MRTFB: variants seen among roughly 807,000 people sequenced by gnomAD.
The protein encoded by MRTFB is myocardin-related transcription factor B.
A neutral mutation model predicts 104.2 loss-of-function variants in MRTFB; 29 were observed. The ratio of observed to expected loss-of-function variants is 0.28; its 90% confidence interval spans 0.21 to 0.38. The LOEUF is 0.38. Among genes scored for constraint, MRTFB ranks in the 10% least tolerant of loss-of-function variants. MRTFB has a pLI of 1.00. For synonymous variants in MRTFB, 535 were observed against 519.5 expected (o/e 1.03, Z -0.41); for missense variants, 1,270 against 1,341.6 (o/e 0.95, Z 0.83).
intron 3 of MRTFB, among the ~76,000 whole-genome samples, chr16:14,165,236 G>C (rs983524733): frequency 2.0e-5 from 3 of 152,034 alleles, no homozygotes; most frequent in African/African-American, 7.3e-5. Flanking sequence ...AGAGCATGTG[G>C]TGCATGGATG....
intron 6 of MRTFB, among the ~76,000 whole-genome samples, chr16:14,215,175 C>T (rs952793500): frequency 6.6e-6 from 1 of 152,150 alleles, no homozygotes; most frequent in Admixed American, 6.5e-5. Flanking sequence ...ATACATTTAA[C>T]TCTCAAAATA....
chr16:14,254,849 G>A (rs939614943), intron 15 of MRTFB, among the ~76,000 whole-genome samples: 7 of 152,184 alleles, frequency 4.6e-5, no homozygotes, highest in Non-Finnish European at 8.8e-5. Context: ...CCAATCCTGA[G>A]CTCATCTCGA....
the MRTFB span, among the ~76,000 whole-genome samples, chr16:14,051,891 C>T: frequency 6.6e-6 from 1 of 152,134 alleles, no homozygotes; most frequent in African/African-American, 2.4e-5. Flanking sequence ...CAATTCATTT[C>T]TTTTCAACTC....
chr16:14,146,503 T>C (rs2142711101), intron 3 of MRTFB, among the ~76,000 whole-genome samples: 1 of 152,328 alleles, frequency 6.6e-6, no homozygotes, highest in African/African-American at 2.4e-5. Flanking sequence ...GATCACTTAC[T>C]AGAGAGAAAA....
intron 3 of MRTFB, among the ~76,000 whole-genome samples, chr16:14,156,556 G>A (rs555726825): frequency 2.6e-5 from 4 of 152,276 alleles, no homozygotes; most frequent in South Asian, 2.1e-4. Context: ...AGAAGATACC[G>A]TGCTAGGGCC....
At position 14,140,744 on chromosome 16, in the gene MRTFB, G is replaced by A; in HGVS notation, c.138G>A (p.Leu46=). ...SLQSSQNLPP[L]NERKNVLQLR... ...AGTCCAGTCAAAACTTACCCCCTCT[G>A]AACGAAAGGAAAAATGGTGAGTTCA... is the stretch of plus-strand genomic sequence containing the variant. The change falls in exon 3 of 17, where the codon CTG becomes CTA. Residue 46 remains leucine (L), a synonymous_variant. Transcript: ENST00000571589. The A allele has an allele frequency of 6.2e-7, 1 of 1,614,040 alleles. No individual in the cohort carries two copies. The highest frequency in any genetic ancestry group is 8.5e-7 in the Non-Finnish European group (1 of 1,179,988).
At chr16:14,209,145 C>G (rs952011002) in intron 3 of MRTFB, among the ~76,000 whole-genome samples, 1 of 152,214 alleles carries the variant, frequency 6.6e-6, no homozygotes, top group African/African-American at 2.4e-5. Context: ...ATGGAGGCCA[C>G]GTGCCTGCGT....
chr16:14,253,553 A>G (rs931080064), intron 15 of MRTFB, among the ~76,000 whole-genome samples: 1 of 152,206 alleles, frequency 6.6e-6, no homozygotes, highest in Admixed American at 6.5e-5. Flanking sequence ...CAAACAAGCC[A>G]GTCCCTCACC....
intron 6 of MRTFB, among the ~76,000 whole-genome samples, chr16:14,215,735 G>A (rs2041389995): frequency 6.6e-6 from 1 of 152,186 alleles, no homozygotes; most frequent in Non-Finnish European, 1.5e-5. Flanking sequence ...ATGGGAAAAT[G>A]ATAAAAATGA....
At chr16:14,163,117 G>T (rs1163290985) in intron 3 of MRTFB, among the ~76,000 whole-genome samples, 1 of 152,066 alleles carries the variant, frequency 6.6e-6, no homozygotes, top group Non-Finnish European at 1.5e-5. Flanking sequence ...ATCTATTAAG[G>T]TCAAGATTTA....
chr16:14,227,088 T>C (rs1323046730), intron 8 of MRTFB, among the ~76,000 whole-genome samples: 1 of 152,110 alleles, frequency 6.6e-6, no homozygotes, highest in Non-Finnish European at 1.5e-5. Context: ...ATATATCTTA[T>C]AAGGATTTGC....
chr16:14,211,912 A>T (rs940171980), intron 4 of MRTFB, among the ~76,000 whole-genome samples: 1 of 152,178 alleles, frequency 6.6e-6, no homozygotes, highest in African/African-American at 2.4e-5. Flanking sequence ...AGAGCCCATT[A>T]CGGGTTCTAA....
At chr16:14,087,459 A>G (rs2034788272) in intron 2 of MRTFB, among the ~76,000 whole-genome samples, 1 of 152,034 alleles carries the variant, frequency 6.6e-6, no homozygotes, top group African/African-American at 2.4e-5. Flanking sequence ...AGTCTAGGCT[A>G]CTCTCTTTAA....
At chr16:14,081,987 T>C (rs76502534) in intron 2 of MRTFB, among the ~76,000 whole-genome samples, 4,381 of 152,342 alleles carry the variant, frequency 0.029, 98 homozygotes, top group Non-Finnish European at 0.04. Flanking sequence ...TCCCATTCTT[T>C]AGGAAGTTTC....
chr16:14,146,603 G>T (rs2038330246), intron 3 of MRTFB, among the ~76,000 whole-genome samples: 1 of 152,188 alleles, frequency 6.6e-6, no homozygotes, highest in Non-Finnish European at 1.5e-5. Context: ...TTTGCAAACA[G>T]TCAGGTGAAC....
chr16:14,047,247 G>C, the MRTFB span, among the ~76,000 whole-genome samples: 2 of 152,202 alleles, frequency 1.3e-5, no homozygotes, highest in Non-Finnish European at 2.9e-5. Context: ...CAGAAAATGA[G>C]AGCATGCTGG....
the MRTFB span, among the ~76,000 whole-genome samples, chr16:14,000,195 C>T: frequency 2.0e-5 from 3 of 152,240 alleles, no homozygotes; most frequent in African/African-American, 7.2e-5. Flanking sequence ...TAGCAGCACT[C>T]GCTTCTCTGG....
chr16:14,162,836 T>G (rs2039092586), intron 3 of MRTFB, among the ~76,000 whole-genome samples: 1 of 152,216 alleles, frequency 6.6e-6, no homozygotes, highest in Admixed American at 6.5e-5. Flanking sequence ...ACAAATTCAG[T>G]GAATCGTATA....
At chr16:14,230,505 T>A (rs1232503992) in intron 8 of MRTFB, among the ~76,000 whole-genome samples, 1 of 152,000 alleles carries the variant, frequency 6.6e-6, no homozygotes. Context: ...AAGAAGACAT[T>A]TATGCAGCCA....
Sources: gnomAD v4.1 joint callset for allele counts (sites outside exome capture counted in the v4.1 genomes callset) on GRCh38, gnomAD v4.1.1 for gene constraint, MANE v1.5 for transcripts, NCBI Gene and HGNC (gene_info 2026-07-23, HGNC 2026-07-21) for gene names.